The following ZNF827 variants were observed in gnomAD, a reference collection of about 807,000 sequenced individuals.
The protein encoded by ZNF827 is zinc finger protein 827.
ZNF827 carries 13 observed loss-of-function variants against 102.4 expected under a neutral mutation model. The ratio of observed to expected loss-of-function variants is 0.13; its 90% CI spans 0.08 to 0.20. The LOEUF is 0.20. ZNF827 is among the 10% of genes least tolerant of loss of function. The pLI, the probability that ZNF827 is intolerant of heterozygous loss-of-function variation, is 1.00. For missense variants in ZNF827, 1,103 were observed against 1,344.4 expected (o/e 0.82, Z 2.81); for synonymous variants, 523 against 536.2 (o/e 0.98, Z 0.34).
At chr4:145,867,954 G>T (rs1320910751) in intron 5 of ZNF827, among the ~76,000 whole-genome samples, 1 of 152,144 alleles carries the variant, frequency 6.6e-6, no homozygotes, top group African/African-American at 2.4e-5. Flanking sequence ...GTCTTTTAGG[G>T]CATGAACTAT....
At chr4:145,829,923 G>C (rs983801210) in intron 7 of ZNF827, among the ~76,000 whole-genome samples, 1 of 152,190 alleles carries the variant, frequency 6.6e-6, no homozygotes, top group Non-Finnish European at 1.5e-5. Flanking sequence ...CTTAGACCTT[G>C]AGAAACCCTC....
At chr4:145,828,074 C>T (rs7666486) in intron 7 of ZNF827, among the ~76,000 whole-genome samples, 5,421 of 152,178 alleles carry the variant, frequency 0.036, 249 homozygotes, top group East Asian at 0.16. Context: ...CAGGAGGTAC[C>T]GGACACAGGA....
At chr4:145,792,701 T>C (rs1312304844) in intron 8 of ZNF827, among the ~76,000 whole-genome samples, 2 of 152,128 alleles carry the variant, frequency 1.3e-5, no homozygotes, top group African/African-American at 4.8e-5. Context: ...GCTTGGGATA[T>C]TTTTAAGCAA....
chr4:145,935,386 G>A (rs1270481827), intron 1 of ZNF827, among the ~76,000 whole-genome samples: 1 of 152,208 alleles, frequency 6.6e-6, no homozygotes, highest in African/African-American at 2.4e-5. Flanking sequence ...TCACTCAGCA[G>A]TTAGCAAGCC....
chr4:145,928,533 C>G (rs1171135628), intron 1 of ZNF827, among the ~76,000 whole-genome samples: 1 of 152,174 alleles, frequency 6.6e-6, no homozygotes, highest in Non-Finnish European at 1.5e-5. Flanking sequence ...TGCACATACC[C>G]TATGCCAGAC....
chr4:145,898,299 G>C (rs945614129), intron 2 of ZNF827, among the ~76,000 whole-genome samples: 2 of 152,150 alleles, frequency 1.3e-5, no homozygotes, highest in Non-Finnish European at 2.9e-5. Context: ...AACCCCCTAT[G>C]TATTGACCCA....
rs375202168 is a variant in ZNF827 at position 145,849,392 on chromosome 4, G to C, written c.2151C>G (p.Pro717=). The C allele has an allele frequency of 6.2e-7, 1 of 1,614,110 alleles. No individual in the cohort carries two copies. The highest frequency in any genetic ancestry group is 1.1e-5 in the South Asian group (1 of 91,076). Residue 717 remains proline (P), a synonymous_variant, in exon 6 of 15, where the codon CCC becomes CCG. Coordinates refer to ENST00000508784, the MANE Select transcript of ZNF827 (RefSeq NM_001306215.2). The part of the protein sequence containing the change: ...PLQKMPEGRV[P]PERNLFSQDI... Reference sequence around the variant, plus strand: ...CCTGACTGAAGAGGTTTCTCTCTGGGGGTACTCTGCCCTCTGGCATCTTCT... The same window carrying C: ...CCTGACTGAAGAGGTTTCTCTCTGGCGGTACTCTGCCCTCTGGCATCTTCT...
rs923583791 is a variant in ZNF827, at chr4:145,757,909, G to A, written c.*3707C>T. 6.6e-6 allele frequency: 1 copy of A among 152,158 alleles called. No individual in the cohort carries two copies. Among genetic ancestry groups the A allele is most frequent in the East Asian group, 1.9e-4 (1 of 5,198 alleles). The allele number at this position is 152,158 out of a possible 1,614,324, so 9.4% of individuals were successfully genotyped here. On this transcript the variant is annotated 3_prime_UTR_variant, in exon 15 of 15. Coordinates refer to ENST00000508784, the MANE Select transcript of ZNF827 (RefSeq NM_001306215.2). ...ACTGCATTACTATATGGAAAAATAA[G>A]CTAGTTTTCATTGAAGAATGCATAG... is the stretch of plus-strand genomic sequence containing the variant.
rs181726969 is a variant in ZNF827, at chr4:145,923,371, G to A, written c.43+14994C>T. ...TGTAATACCAGCACTTTGGGATGCC[G>A]AGGCAGGCGGATCACCTGAGGCCAG... On this transcript the variant is annotated intron_variant, in intron 1 of 14. Coordinates refer to ENST00000508784, the MANE Select transcript of ZNF827 (RefSeq NM_001306215.2). 5.1e-4 allele frequency among the ~76,000 whole-genome samples: 78 copies of A among 151,892 alleles called. No individual in the cohort carries two copies. In the South Asian group the frequency reaches 7.5e-3, roughly 15 times the overall value.
intron 1 of ZNF827, among the ~76,000 whole-genome samples, chr4:145,903,995 G>A (rs983321085): frequency 6.6e-6 from 1 of 152,098 alleles, no homozygotes; most frequent in African/African-American, 2.4e-5. Context: ...ACAGGCAGCG[G>A]TTAGGAATGT....
At chr4:145,929,034 G>GA (rs1432838116) in intron 1 of ZNF827, among the ~76,000 whole-genome samples, 1 of 152,194 alleles carries the variant, frequency 6.6e-6, no homozygotes. Flanking sequence ...ATTTTTATAT[G>GA]AAACCTCCGA....
chr4:145,923,534 G>A lies in ZNF827; in HGVS notation c.43+14831C>T, dbSNP rs536708427. Among the ~76,000 whole-genome samples the A allele has an allele frequency of 2.1e-3, 320 of 151,558 alleles. 2 individuals carry two copies. Among genetic ancestry groups the A allele is most frequent in the Non-Finnish European group, 2.9e-3 (198 of 67,938 alleles). ...CTTGGGAGGCTGAGGCAGGAGAACC[G>A]CTTGAACCCAGGAGGCAGAGGCTGC... On this transcript the variant is annotated intron_variant, in intron 1 of 14. Coordinates refer to ENST00000508784, the MANE Select transcript of ZNF827 (RefSeq NM_001306215.2).
At chr4:145,829,165 T>TC (rs1216616793) in intron 7 of ZNF827, among the ~76,000 whole-genome samples, 5 of 152,050 alleles carry the variant, frequency 3.3e-5, no homozygotes, top group Non-Finnish European at 7.4e-5. Flanking sequence ...AGATTTTTTT[T>TC]CTAAGAGACA....
intron 4 of ZNF827, among the ~76,000 whole-genome samples, chr4:145,880,523 C>T (rs921460159): frequency 1.3e-5 from 2 of 152,232 alleles, no homozygotes; most frequent in Middle Eastern, 3.2e-3. Flanking sequence ...TATAGTCCTA[C>T]CTGCTCCTTT....
At chr4:145,785,107 C>T (rs1177251712) in intron 8 of ZNF827, among the ~76,000 whole-genome samples, 4 of 152,156 alleles carry the variant, frequency 2.6e-5, no homozygotes, top group Non-Finnish European at 4.4e-5. Context: ...GGATTAAGCA[C>T]TTTTGTCCTT....
intron 7 of ZNF827, among the ~76,000 whole-genome samples, chr4:145,829,182 T>TTTG (rs1743960428): frequency 6.6e-6 from 1 of 152,144 alleles, no homozygotes; most frequent in African/African-American, 2.4e-5. Context: ...GACAGTAACT[T>TTTG]TCAAGACTAA....
At chr4:145,798,045 T>A (rs1447668896) in intron 8 of ZNF827, among the ~76,000 whole-genome samples, 2 of 152,224 alleles carry the variant, frequency 1.3e-5, no homozygotes, top group Admixed American at 6.5e-5. Context: ...AGTTTCATGT[T>A]GTGAGGACCA....
intron 6 of ZNF827, 94 bp downstream of exon 6, chr4:145,849,228 A>G: frequency 2.1e-6 from 3 of 1,454,430 alleles, no homozygotes; most frequent in South Asian, 1.4e-5. Context: ...AAAAAATCCT[A>G]TAATTCAGGT....
rs1401045309 is a variant in ZNF827, at chr4:145,758,485, G to A, written c.*3131C>T. ...TACCAGCCTCTGTGGGACTACTTTA[G>A]CCCTCTTTCCTGTCATCACTGAACT... On this transcript the variant is annotated 3_prime_UTR_variant, in exon 15 of 15. Coordinates refer to ENST00000508784, the MANE Select transcript of ZNF827 (RefSeq NM_001306215.2). 1 of 152,158 alleles carries A rather than the reference G, an allele frequency of 6.6e-6. No individual in the cohort carries two copies. 9.4% of individuals were successfully genotyped at this position (152,158 alleles called of 1,614,324 possible). A position where few individuals can be genotyped will look rare whatever the true frequency, so the allele number is the denominator to read the frequency against.
Sources: allele counts gnomAD v4.1 joint callset (sites outside exome capture counted in the v4.1 genomes callset), GRCh38; gene constraint gnomAD v4.1.1; transcripts MANE v1.5; gene names NCBI Gene and HGNC (gene_info 2026-07-23, HGNC 2026-07-21).